Variants in XIRP2 observed in about 807,000 individuals in gnomAD.
The protein encoded by XIRP2 is xin actin binding repeat containing 2.
XIRP2 carries 236 observed loss-of-function variants against 277.0 expected under a neutral mutation model. That is an observed-to-expected ratio of 0.85 (90% CI 0.77 to 0.95). The LOEUF (loss-of-function observed/expected upper bound fraction) is 0.95. Ranked by LOEUF, XIRP2 falls within the 40% of genes least tolerant of loss-of-function variation. XIRP2 has a pLI of 0.00. For synonymous variants in XIRP2, 1,490 were observed against 1,416.5 expected (o/e 1.05, Z -1.17); for missense variants, 4,640 against 4,157.5 (o/e 1.12, Z -3.19).
chr2:167,136,566 T>C (rs1185509187), intron 3 of XIRP2, among the ~76,000 whole-genome samples: 1 of 152,206 alleles, frequency 6.6e-6, no homozygotes, highest in African/African-American at 2.4e-5. Context: ...CAGAACCTCA[T>C]AAATTTGATT....
chr2:166,953,896 A>C (rs146511651), intron 2 of XIRP2, among the ~76,000 whole-genome samples: 101 of 152,078 alleles, frequency 6.6e-4, no homozygotes, highest in African/African-American at 2.3e-3. Context: ...TCATTTTTAA[A>C]AGAAAAAACA....
intron 2 of XIRP2, among the ~76,000 whole-genome samples, chr2:167,037,518 G>GGGTGTGTGT (rs1553481078): frequency 1.7e-4 from 22 of 126,382 alleles, no homozygotes; most frequent in African/African-American, 7.2e-4. Context: ...TCATGTGGGG[G>GGGTGTGTGT]GTGTGTGTGT....
chr2:167,051,448 T>C (rs1339366236), intron 2 of XIRP2, among the ~76,000 whole-genome samples: 1 of 152,140 alleles, frequency 6.6e-6, no homozygotes, highest in Non-Finnish European at 1.5e-5. Context: ...AATTATTTTA[T>C]TGTAGTTTCA....
intron 2 of XIRP2, among the ~76,000 whole-genome samples, chr2:167,116,888 A>G (rs1690911502): frequency 6.6e-6 from 1 of 152,206 alleles, no homozygotes; most frequent in South Asian, 2.1e-4. Flanking sequence ...GCTATAAGTA[A>G]GCATGTTTTA....
At chr2:167,052,128 G>A (rs1156968983) in intron 2 of XIRP2, among the ~76,000 whole-genome samples, 1 of 151,772 alleles carries the variant, frequency 6.6e-6, no homozygotes, top group Non-Finnish European at 1.5e-5. Context: ...TTTCTGGTAG[G>A]GAAAAAATAA....
intron 2 of XIRP2, among the ~76,000 whole-genome samples, chr2:167,057,068 G>A (rs1016865401): frequency 2.0e-5 from 3 of 151,992 alleles, no homozygotes; most frequent in African/African-American, 7.3e-5. Context: ...TGAAAACTGT[G>A]GATAAAAAGT....
intron 2 of XIRP2, among the ~76,000 whole-genome samples, chr2:166,941,173 G>A (rs368307094): frequency 1.6e-4 from 24 of 152,150 alleles, no homozygotes; most frequent in Admixed American, 2.6e-4. Flanking sequence ...CCTCACTGCC[G>A]CCTTGCAGTT....
chr2:167,013,494 A>T (rs931904469), intron 2 of XIRP2, among the ~76,000 whole-genome samples: 4 of 151,546 alleles, frequency 2.6e-5, no homozygotes, highest in African/African-American at 9.7e-5. Flanking sequence ...ATCCCAAGTG[A>T]TAATGATCCT....
intron 2 of XIRP2, among the ~76,000 whole-genome samples, chr2:167,032,684 A>G (rs1413835120): frequency 1.3e-5 from 2 of 152,142 alleles, no homozygotes; most frequent in African/African-American, 4.8e-5. Context: ...AGCCAAAAAT[A>G]TATGAAAAAA....
At chr2:167,240,835 A>T in intron 7 of XIRP2, 99 bp downstream of exon 7, 1 of 972,438 alleles carries the variant, frequency 1.0e-6, no homozygotes, top group African/African-American at 1.6e-5. Context: ...CCCTCTGAGT[A>T]ACTTTAGTAA....
rs761318897 is a variant in XIRP2, at chr2:167,251,383, AATGAAATAAACAG to A, written c.9995_10007del (p.Glu3332GlyfsTer43). ...TGAAAATTTCGTGAATGACCCTGAAAATGAAATAAACAGATGGTTCAGGGAATTTGAGCATGGC... is the reference window on the plus strand; with the variant it reads ...TGAAAATTTCGTGAATGACCCTGAAAATGGTTCAGGGAATTTGAGCATGGC... On this transcript the variant is annotated frameshift_variant, in exon 9 of 11. Transcript: ENST00000409195. LOFTEE classifies it high-confidence loss of function. 1 of 1,613,624 alleles carries A rather than the reference AATGAAATAAACAG, an allele frequency of 6.2e-7. No individual in the cohort carries two copies. The highest frequency in any genetic ancestry group is 1.1e-5 in the South Asian group (1 of 91,080).
intron 2 of XIRP2, among the ~76,000 whole-genome samples, chr2:166,997,953 C>T (rs777805383): frequency 2.4e-4 from 36 of 151,512 alleles, no homozygotes; most frequent in Admixed American, 1.1e-3. Flanking sequence ...GCTTACTGAG[C>T]GCCATTTTGG....
At position 167,249,494 on chromosome 2, in the gene XIRP2, G is replaced by A; in HGVS notation, c.8102G>A (p.Ser2701Asn). The A allele has an allele frequency of 1.2e-6, 2 of 1,613,666 alleles. No individual in the cohort carries two copies. The highest frequency in any genetic ancestry group is 1.7e-6 in the Non-Finnish European group (2 of 1,179,796). Residue 2701 changes from serine to asparagine, a missense_variant, in exon 9 of 11, where the codon AGC becomes AAC. Ser to Asn is a conservative substitution (Grantham distance 46). Transcript: ENST00000409195. ...TTGGAGCAGTTGCACTTGCCCCAAA[G>A]CAAACCAATTTCCCCAAATTTCAAA... ...KYLEQLHLPQ[S>N]KPISPNFKVK...
chr2:167,118,053 G>C (rs923575695), intron 2 of XIRP2, among the ~76,000 whole-genome samples: 1 of 152,082 alleles, frequency 6.6e-6, no homozygotes, highest in Non-Finnish European at 1.5e-5. Context: ...ATATTTGGAA[G>C]TTTCTATGTT....
chr2:167,105,232 G>T (rs532937175), intron 2 of XIRP2, among the ~76,000 whole-genome samples: 1 of 151,760 alleles, frequency 6.6e-6, no homozygotes, highest in Non-Finnish European at 1.5e-5. Flanking sequence ...CCCAGTATTC[G>T]CATTGATACA....
chr2:166,926,720 C>A (rs1333401440), intron 2 of XIRP2, among the ~76,000 whole-genome samples: 3 of 152,072 alleles, frequency 2.0e-5, no homozygotes, highest in East Asian at 1.9e-4. Context: ...TTACTTCCTA[C>A]AAAGAAATAC....
intron 2 of XIRP2, among the ~76,000 whole-genome samples, chr2:167,121,395 A>G (rs1228410701): frequency 6.6e-6 from 1 of 152,190 alleles, no homozygotes; most frequent in Non-Finnish European, 1.5e-5. Context: ...AAGGTCAAAG[A>G]AAATGAAATA....
chr2:167,176,679 A>T (rs1297896941), intron 3 of XIRP2, among the ~76,000 whole-genome samples: 3 of 152,154 alleles, frequency 2.0e-5, no homozygotes, highest in Admixed American at 6.5e-5. Flanking sequence ...TTTATTTTGT[A>T]AGGTTGTTAG....
At chr2:166,956,797 A>G (rs1686173993) in intron 2 of XIRP2, among the ~76,000 whole-genome samples, 1 of 151,726 alleles carries the variant, frequency 6.6e-6, no homozygotes, top group Admixed American at 6.6e-5. Flanking sequence ...CCCTTTAAAA[A>G]GTGCTTCCCT....
Sources: allele counts gnomAD v4.1 joint callset (sites outside exome capture counted in the v4.1 genomes callset), GRCh38; gene constraint gnomAD v4.1.1; transcripts MANE v1.5; gene names NCBI Gene and HGNC (gene_info 2026-07-23, HGNC 2026-07-21).